Variants in SH3RF3 observed in about 807,000 individuals in gnomAD.
The protein encoded by SH3RF3 is E3 ubiquitin-protein ligase SH3RF3.
Under a neutral mutation model 66.3 loss-of-function variants are expected in SH3RF3, and 29 were observed. That is an observed-to-expected ratio of 0.44 (90% confidence interval 0.33 to 0.60). The LOEUF is 0.60. Ranked by LOEUF, SH3RF3 falls within the 20% of genes least tolerant of loss-of-function variation. The pLI is 0.04. For synonymous variants in SH3RF3, 583 were observed against 532.0 expected, an observed-to-expected ratio of 1.10 and a Z score of -1.32; for missense variants, 1,194 against 1,190.9, an observed-to-expected ratio of 1.00 and a Z score of -0.04.
intron 1 of SH3RF3, among the ~76,000 whole-genome samples, chr2:109,153,705 G>A (rs1479037717): frequency 6.6e-6 from 1 of 152,202 alleles, no homozygotes; most frequent in Non-Finnish European, 1.5e-5. Flanking sequence ...AGTCTCCAGG[G>A]TGTGTACTTG....
At chr2:109,426,045 A>C (rs927002465) in intron 5 of SH3RF3, among the ~76,000 whole-genome samples, 2 of 152,092 alleles carry the variant, frequency 1.3e-5, no homozygotes, top group Non-Finnish European at 2.9e-5. Context: ...TTACAGGCGC[A>C]TGCCACCACG....
chr2:109,207,105 A>T (rs1021656288), intron 1 of SH3RF3, among the ~76,000 whole-genome samples: 1 of 152,198 alleles, frequency 6.6e-6, no homozygotes, highest in African/African-American at 2.4e-5. Flanking sequence ...AAGAAGGCAG[A>T]TAGGGCTGTG....
At chr2:109,352,462 G>A (rs1288894193) in intron 2 of SH3RF3, among the ~76,000 whole-genome samples, 1 of 152,204 alleles carries the variant, frequency 6.6e-6, no homozygotes, top group Non-Finnish European at 1.5e-5. Flanking sequence ...AGAGCCAGGC[G>A]ATGGGCAAGC....
chr2:109,138,574 AGGGCAGCCCCT>A (rs1357893927), intron 1 of SH3RF3, among the ~76,000 whole-genome samples: 2 of 152,330 alleles, frequency 1.3e-5, no homozygotes, highest in South Asian at 2.1e-4. Context: ...GAGAGGGGTC[AGGGCAGCCCCT>A]GGGCAGCCCG....
At chr2:109,289,629 A>C (rs1181049503) in intron 1 of SH3RF3, among the ~76,000 whole-genome samples, 1 of 152,142 alleles carries the variant, frequency 6.6e-6, no homozygotes, top group Non-Finnish European at 1.5e-5. Flanking sequence ...ATCACGTGGA[A>C]AGCTATGTTG....
intron 1 of SH3RF3, among the ~76,000 whole-genome samples, chr2:109,307,786 G>T (rs1223562279): frequency 6.8e-6 from 1 of 148,012 alleles, no homozygotes; most frequent in Non-Finnish European, 1.5e-5. Context: ...GTACTCCATG[G>T]TGTATATGTG....
intron 1 of SH3RF3, among the ~76,000 whole-genome samples, chr2:109,344,914 G>C (rs939047056): frequency 1.3e-5 from 2 of 152,174 alleles, no homozygotes; most frequent in Non-Finnish European, 2.9e-5. Context: ...GATCAGAGGG[G>C]ACATCACAGG....
chr2:109,227,658 G>A (rs1004659446), intron 1 of SH3RF3, among the ~76,000 whole-genome samples: 11 of 152,144 alleles, frequency 7.2e-5, no homozygotes, highest in Admixed American at 3.9e-4. Flanking sequence ...TGGGGTACAC[G>A]GCAGCTCCCC....
chr2:109,165,777 T>C (rs7561185), intron 1 of SH3RF3, among the ~76,000 whole-genome samples: 75,348 of 151,962 alleles, frequency 0.5, 19,674 homozygotes, highest in South Asian at 0.6. Context: ...TACTTAAGAA[T>C]CATCATTTAG....
chr2:109,222,170 G>A (rs762963362), intron 1 of SH3RF3, among the ~76,000 whole-genome samples: 2 of 152,218 alleles, frequency 1.3e-5, no homozygotes, highest in Non-Finnish European at 2.9e-5. Context: ...ACAGAGTAGA[G>A]TGCCAGATGC....
chr2:109,310,823 C>T (rs1681707110), intron 1 of SH3RF3, among the ~76,000 whole-genome samples: 1 of 93,610 alleles, frequency 1.1e-5, no homozygotes, highest in Non-Finnish European at 1.9e-5. Context: ...AGACCAATAA[C>T]AGGAGCTGAA....
At chr2:109,243,587 T>C (rs1275470362) in intron 1 of SH3RF3, among the ~76,000 whole-genome samples, 1 of 152,172 alleles carries the variant, frequency 6.6e-6, no homozygotes, top group African/African-American at 2.4e-5. Flanking sequence ...AGAATGACTT[T>C]TATATTTGGT....
At chr2:109,242,423 G>T (rs1679806974) in intron 1 of SH3RF3, among the ~76,000 whole-genome samples, 1 of 152,148 alleles carries the variant, frequency 6.6e-6, no homozygotes, top group Non-Finnish European at 1.5e-5. Context: ...AGCAGCCCGT[G>T]CCTAGAGTCC....
At chr2:109,258,614 G>A (rs1257656824) in intron 1 of SH3RF3, among the ~76,000 whole-genome samples, 1 of 152,248 alleles carries the variant, frequency 6.6e-6, no homozygotes, top group Non-Finnish European at 1.5e-5. Flanking sequence ...GGCCACAGCT[G>A]GCTGTGCTCC....
chr2:109,365,477 G>C (rs915870766), intron 2 of SH3RF3, among the ~76,000 whole-genome samples: 8 of 152,140 alleles, frequency 5.3e-5, no homozygotes, highest in Non-Finnish European at 7.3e-5. Flanking sequence ...TTCTCTTACA[G>C]ATCTAAGAAG....
intron 1 of SH3RF3, among the ~76,000 whole-genome samples, chr2:109,214,622 G>C (rs1679067073): frequency 6.6e-6 from 1 of 152,120 alleles, no homozygotes; most frequent in Non-Finnish European, 1.5e-5. Context: ...GAGGACATCT[G>C]AACAGCCCTG....
At chr2:109,365,435 T>C (rs571225922) in intron 2 of SH3RF3, among the ~76,000 whole-genome samples, 9 of 152,308 alleles carry the variant, frequency 5.9e-5, no homozygotes, top group Admixed American at 4.6e-4. Flanking sequence ...TCTCTTCAAT[T>C]TGGGGGGCAG....
intron 1 of SH3RF3, among the ~76,000 whole-genome samples, chr2:109,256,016 A>T (rs574629483): frequency 6.6e-6 from 1 of 152,246 alleles, no homozygotes; most frequent in African/African-American, 2.4e-5. Context: ...ATGTAAATGT[A>T]CATACTCTCT....
At chr2:109,156,298 T>A (rs1300861127) in intron 1 of SH3RF3, among the ~76,000 whole-genome samples, 1 of 152,212 alleles carries the variant, frequency 6.6e-6, no homozygotes, top group Non-Finnish European at 1.5e-5. Context: ...ATCTTCAGTG[T>A]TTTCTCCGCC....
Sources: allele counts gnomAD v4.1 joint callset (sites outside exome capture counted in the v4.1 genomes callset), GRCh38; gene constraint gnomAD v4.1.1; transcripts MANE v1.5; gene names NCBI Gene and HGNC (gene_info 2026-07-23, HGNC 2026-07-21).